Variants in NSUN6 observed in about 807,000 individuals in gnomAD.
NSUN6 encodes the protein tRNA (cytosine(72)-C(5))-methyltransferase NSUN6.
In NSUN6, 64 loss-of-function variants were observed where a neutral mutation model predicts 58.0. That is an observed-to-expected ratio of 1.10 (90% CI 0.90 to 1.36). The LOEUF (loss-of-function observed/expected upper bound fraction) is 1.36. Ranked by LOEUF, NSUN6 falls within the 40% of genes most tolerant of loss-of-function variation. The pLI is 0.00. For synonymous variants in NSUN6, 231 were observed against 193.9 expected, an observed-to-expected ratio of 1.19 and a Z score of -1.59; for missense variants, 701 against 550.1, an observed-to-expected ratio of 1.27 and a Z score of -2.74.
chr10:18,624,447 G>C (rs1371812723), intron 3 of NSUN6, among the ~76,000 whole-genome samples: 2 of 151,718 alleles, frequency 1.3e-5, no homozygotes, highest in African/African-American at 4.8e-5. Flanking sequence ...AGGCTGAGGA[G>C]GGTGGATCAC....
At chr10:18,562,264 A>G (rs955875279) in intron 8 of NSUN6, among the ~76,000 whole-genome samples, 28 of 151,128 alleles carry the variant, frequency 1.9e-4, no homozygotes, top group Non-Finnish European at 2.2e-4. Context: ...AGGAATGCAG[A>G]ATGGAATGGA....
chr10:18,617,581 A>T, intron 3 of NSUN6, among the ~76,000 whole-genome samples: 1 of 152,106 alleles, frequency 6.6e-6, no homozygotes, highest in Non-Finnish European at 1.5e-5. Context: ...AACAATAATC[A>T]GTTTTCCCTC....
At chr10:18,573,048 C>T (rs192836745) in intron 8 of NSUN6, among the ~76,000 whole-genome samples, 1 of 150,790 alleles carries the variant, frequency 6.6e-6, no homozygotes, top group African/African-American at 2.4e-5. Context: ...TTCCATTCTC[C>T]ATTCTCTTCT....
chr10:18,624,738 C>G (rs774314900), intron 3 of NSUN6, among the ~76,000 whole-genome samples: 5 of 63,538 alleles, frequency 7.9e-5, no homozygotes, highest in Admixed American at 4.1e-4. Flanking sequence ...ATTAAAGTAA[C>G]AGGCTTGAGA....
intron 4 of NSUN6, among the ~76,000 whole-genome samples, chr10:18,615,106 CAT>C (rs5783616): frequency 0.092 from 13,541 of 146,490 alleles, 727 homozygotes; most frequent in Non-Finnish European, 0.12. Flanking sequence ...TATAGTCATT[CAT>C]ATATATATAT....
chr10:18,562,144 T>C (rs2055560516), intron 8 of NSUN6, among the ~76,000 whole-genome samples: 1 of 146,548 alleles, frequency 6.8e-6, no homozygotes. Flanking sequence ...TAGAATGGAA[T>C]GGAAAATGGA....
chr10:18,551,032 C>T (rs2054566246), intron 9 of NSUN6, among the ~76,000 whole-genome samples: 1 of 152,068 alleles, frequency 6.6e-6, no homozygotes. Flanking sequence ...GCCAATAACT[C>T]TATTTTTTTA....
At chr10:18,593,855 T>G (rs1476695422) in intron 7 of NSUN6, among the ~76,000 whole-genome samples, 1 of 151,494 alleles carries the variant, frequency 6.6e-6, no homozygotes, top group Non-Finnish European at 1.5e-5. Flanking sequence ...GCAGGTGTAT[T>G]GCAGAACTTA....
chr10:18,583,074 G>A (rs553922963), intron 8 of NSUN6, among the ~76,000 whole-genome samples: 2 of 152,238 alleles, frequency 1.3e-5, no homozygotes, highest in East Asian at 1.9e-4. Context: ...AAAAACCACA[G>A]CCAGTTCCTG....
At chr10:18,653,004 T>C (rs1035368433), upstream of NSUN6, 1 of 985,122 alleles carries the variant, frequency 1.0e-6, no homozygotes, top group African/African-American at 1.7e-5. Context: ...ATTTCTTCAA[T>C]AAATCCATGA....
chr10:18,627,930 T>C (rs1354312247), intron 3 of NSUN6, among the ~76,000 whole-genome samples: 1 of 152,204 alleles, frequency 6.6e-6, no homozygotes, highest in Non-Finnish European at 1.5e-5. Flanking sequence ...CCTGCCTGCC[T>C]CTGTAGGCTC....
chr10:18,609,340 T>C (rs1451251121), intron 6 of NSUN6, among the ~76,000 whole-genome samples: 1 of 152,042 alleles, frequency 6.6e-6, no homozygotes, highest in African/African-American at 2.4e-5. Context: ...TTATTATTAC[T>C]GGACAGAGAA....
Position 18,640,822 on chromosome 10 carries a change from C to A in NSUN6, c.311+1654G>T, listed in dbSNP as rs796231213. On this transcript the variant is annotated intron_variant, in intron 3 of 10. Coordinates refer to ENST00000377304, the MANE Select transcript of NSUN6 (RefSeq NM_182543.5). ...TTAAACTAAATAGAATGAGCCTATACAAATCAACTTTAATTGCAAAAATAC... is the reference window on the plus strand; with the variant it reads ...TTAAACTAAATAGAATGAGCCTATAAAAATCAACTTTAATTGCAAAAATAC... 4.1e-5 allele frequency among the ~76,000 whole-genome samples: 6 copies of A among 148,138 alleles called. No homozygotes were observed. In the East Asian group the frequency reaches 1.0e-3, roughly 25 times the overall value.
intron 8 of NSUN6, among the ~76,000 whole-genome samples, chr10:18,576,562 G>A (rs2056658459): frequency 6.6e-6 from 1 of 152,214 alleles, no homozygotes; most frequent in African/African-American, 2.4e-5. Context: ...AACAAGTCAT[G>A]CCAAGCTCTC....
chr10:18,643,571 A>T (rs1054451286), intron 2 of NSUN6, among the ~76,000 whole-genome samples: 2 of 152,196 alleles, frequency 1.3e-5, no homozygotes, highest in Non-Finnish European at 2.9e-5. Context: ...ATATCTACCA[A>T]GTCACCAGCT....
intron 6 of NSUN6, among the ~76,000 whole-genome samples, chr10:18,606,582 T>G (rs1368792538): frequency 2.0e-5 from 3 of 152,216 alleles, no homozygotes; most frequent in African/African-American, 7.2e-5. Flanking sequence ...ACACCAGTGT[T>G]GGTTTCTAAG....
intron 8 of NSUN6, among the ~76,000 whole-genome samples, chr10:18,570,932 A>C (rs1175725649): frequency 1.8e-4 from 26 of 144,054 alleles, no homozygotes; most frequent in Admixed American, 3.5e-4. Context: ...ACATTCAATT[A>C]CATTCTACAT....
chr10:18,583,853 AAGG>A (rs2057011256), intron 8 of NSUN6, among the ~76,000 whole-genome samples: 1 of 152,124 alleles, frequency 6.6e-6, no homozygotes. Flanking sequence ...TCTAAGAAAA[AAGG>A]AATGAATTGC....
rs1315465240 is a variant in NSUN6 at position 18,548,123 on chromosome 10, G to C, written c.1186C>G (p.Leu396Val). ...GAAATTACTCCTACCTGGGGCTGAA[G>C]CTGAAGGCAAGGAAATTTTGTCAGG... ...WALTKFPCLQ[L>V]QPQEPQIGGE... Residue 396 changes from leucine (L) to valine (V), a missense_variant, in exon 10 of 11, where the codon CTT becomes GTT. Coordinates refer to ENST00000377304, the MANE Select transcript of NSUN6 (RefSeq NM_182543.5). 1 of 1,613,844 alleles carries C rather than the reference G, an allele frequency of 6.2e-7. No homozygotes were observed. The highest frequency in any genetic ancestry group is 8.5e-7 in the Non-Finnish European group (1 of 1,179,868).
Sources: gnomAD v4.1 joint callset for allele counts (sites outside exome capture counted in the v4.1 genomes callset) on GRCh38, gnomAD v4.1.1 for gene constraint, MANE v1.5 for transcripts, NCBI Gene and HGNC (gene_info 2026-07-23, HGNC 2026-07-21) for gene names.